PCDHA2: variants seen among roughly 807,000 people sequenced by gnomAD.
PCDHA2 encodes protocadherin alpha-2.
Under a neutral mutation model 66.0 loss-of-function variants are expected in PCDHA2, and 58 were observed. The observed-to-expected ratio is 0.88, with a 90% CI of 0.71 to 1.09. The LOEUF is 1.09. Ranked by LOEUF, PCDHA2 falls within the 50% of genes least tolerant of loss-of-function variation. The pLI, the probability that PCDHA2 is intolerant of heterozygous loss-of-function variation, is 0.00. For synonymous variants in PCDHA2, 634 were observed against 554.0 expected, an observed-to-expected ratio of 1.14 and a Z score of -2.03; for missense variants, 1,267 against 1,242.3, an observed-to-expected ratio of 1.02 and a Z score of -0.30.
chr5:140,800,969 C>A (rs1218404049), intron 1 of PCDHA2: 2 of 1,230,712 alleles, frequency 1.6e-6, no homozygotes, highest in Middle Eastern at 2.9e-4. Context: ...AAAGAAGATA[C>A]GTTTACATAT....
At position 140,868,819 on chromosome 5, in the gene PCDHA2, G is replaced by A. The variant is rs2050665181; in HGVS notation, c.2388+71467G>A. The A allele has an allele frequency of 7.5e-5, 29 of 388,032 alleles. No individual in the cohort carries two copies. In the East Asian group the frequency reaches 1.2e-3, roughly 16 times the overall value. The allele number at this position is 388,032 out of a possible 1,614,324, so 24.0% of individuals were successfully genotyped here. On this transcript the variant is annotated intron_variant, in intron 1 of 3. Transcript: ENST00000526136. ...ATAAATAAGCACGTTGGAAATATTT[G>A]GGGGAAGAAACCCAAAACACGTGAA...
intron 1 of PCDHA2, among the ~76,000 whole-genome samples, chr5:140,973,878 A>T (rs1440672302): frequency 6.6e-6 from 1 of 152,214 alleles, no homozygotes; most frequent in African/African-American, 2.4e-5. Context: ...GGTCAGAATA[A>T]TGTCAATTTG....
At chr5:140,875,240 C>A in intron 1 of PCDHA2, 1 of 923,800 alleles carries the variant, frequency 1.1e-6, no homozygotes. Context: ...CTTGTACTTA[C>A]ATAATCAGTC....
At chr5:140,856,540 C>A (rs1554148838) in intron 1 of PCDHA2, 1 of 1,598,162 alleles carries the variant, frequency 6.3e-7, no homozygotes, top group African/African-American at 1.3e-5. Context: ...TTGGAGAGAA[C>A]GCATTGCTTA....
chr5:140,819,038 T>C (rs1554127598), intron 1 of PCDHA2, among the ~76,000 whole-genome samples: 1 of 152,230 alleles, frequency 6.6e-6, no homozygotes, highest in Non-Finnish European at 1.5e-5. Context: ...CATTCCCTTA[T>C]AGGGCAGTTA....
At chr5:140,933,133 G>T (rs782720038) in intron 1 of PCDHA2, among the ~76,000 whole-genome samples, 1 of 151,914 alleles carries the variant, frequency 6.6e-6, no homozygotes, top group Non-Finnish European at 1.5e-5. Context: ...AATAATAAAG[G>T]TAGATAGCCA....
rs1554229126 is a variant in PCDHA2 at position 140,967,062 on chromosome 5, T to C, written c.2389-11887T>C. 3 of 1,612,916 alleles carry C rather than the reference T, an allele frequency of 1.9e-6. No individual in the cohort carries two copies. In the Admixed American group the frequency reaches 5.0e-5, roughly 27 times the overall value. ...GAGCTGGACCTGACGAGTGGAGCGC[T>C]CTTCGTCAACGAGCGCATTGATCGG... On this transcript the variant is annotated intron_variant, in intron 1 of 3. Transcript: ENST00000526136.
At chr5:140,941,987 G>A (rs1315027422) in intron 1 of PCDHA2, among the ~76,000 whole-genome samples, 1 of 152,104 alleles carries the variant, frequency 6.6e-6, no homozygotes, top group Non-Finnish European at 1.5e-5. Flanking sequence ...ACCTTGATAA[G>A]GGATTCATAT....
At chr5:140,869,161 C>T in intron 1 of PCDHA2, 1 of 1,613,852 alleles carries the variant, frequency 6.2e-7, no homozygotes, top group South Asian at 1.1e-5. Flanking sequence ...CTGGCTTCTC[C>T]TCCTCGAATT....
chr5:140,810,493 G>T (rs1554125501), intron 1 of PCDHA2: 1 of 152,090 alleles, frequency 6.6e-6, no homozygotes, highest in Admixed American at 6.5e-5. Flanking sequence ...CTCTACATTT[G>T]TCAGGTTATT....
intron 1 of PCDHA2, chr5:140,875,246 C>T: frequency 1.0e-6 from 1 of 955,372 alleles, no homozygotes; most frequent in Non-Finnish European, 1.5e-6. Context: ...CTTACATAAT[C>T]AGTCACATGA....
Position 140,941,209 on chromosome 5 carries a change from T to TCCTTTCTTTCTTTC in PCDHA2, c.2389-37740_2389-37739insCCTTTCTTTCTTTC, listed in dbSNP as rs59604197. 5.4e-4 allele frequency among the ~76,000 whole-genome samples: 69 copies of TCCTTTCTTTCTTTC among 126,992 alleles called. 1 individual carries two copies. Among genetic ancestry groups the TCCTTTCTTTCTTTC allele is most frequent in the African/African-American group, 2.2e-3 (68 of 31,202 alleles). The allele number at this position is 126,992 out of a possible 152,430, so 83.3% of individuals were successfully genotyped here. On this transcript the variant is annotated intron_variant, in intron 1 of 3. Coordinates refer to ENST00000526136, the MANE Select transcript of PCDHA2 (RefSeq NM_018905.3). ...TCTTTTTTTTTCTTTCTTCCTTTCT[T>TCCTTTCTTTCTTTC]TCTTCCTTTCTTTCTTTCTTTCTTT...
At chr5:140,874,970 G>A (rs186825854) in intron 1 of PCDHA2, among the ~76,000 whole-genome samples, 1 of 152,280 alleles carries the variant, frequency 6.6e-6, no homozygotes, top group Admixed American at 6.5e-5. Flanking sequence ...AAGGGGAGGG[G>A]TGCTGTATAT....
intron 2 of PCDHA2, among the ~76,000 whole-genome samples, chr5:140,979,906 C>T (rs190577549): frequency 1.8e-4 from 27 of 152,204 alleles, no homozygotes; most frequent in African/African-American, 5.5e-4. Context: ...TAGATCAGTT[C>T]GTAAAGAGAA....
In PCDHA2 at chr5:140,836,004, G is replaced by T. The variant is rs1554135533; in HGVS notation, c.2388+38652G>T. On this transcript the variant is annotated intron_variant, in intron 1 of 3. Transcript: ENST00000526136. ...GTTCCAGGTGAGCGCGCGCGATGCG[G>T]GCGTGCCGCCTCTGGGCAGCAACGT... is the stretch of plus-strand genomic sequence containing the variant. 1.9e-6 allele frequency: 3 copies of T among 1,613,274 alleles called. No homozygotes were observed. The African/African-American group carries it at 4.0e-5, about 22-fold the overall frequency.
intron 1 of PCDHA2, among the ~76,000 whole-genome samples, chr5:140,911,460 G>A (rs1346001317): frequency 1.3e-5 from 2 of 152,140 alleles, no homozygotes; most frequent in African/African-American, 4.8e-5. Context: ...TTTCTCTACA[G>A]GAGATAAGAC....
intron 1 of PCDHA2, chr5:140,814,724 T>C (rs1224859908): frequency 6.6e-6 from 1 of 152,222 alleles, no homozygotes; most frequent in Non-Finnish European, 1.5e-5. Flanking sequence ...TAGGAATTTT[T>C]CAGCTCCATT....
intron 2 of PCDHA2, among the ~76,000 whole-genome samples, chr5:140,981,165 T>C (rs1411910974): frequency 6.6e-6 from 1 of 152,250 alleles, no homozygotes; most frequent in Non-Finnish European, 1.5e-5. Flanking sequence ...ATATGTTGCC[T>C]TCCCTCTAAT....
chr5:140,882,705 G>T, intron 1 of PCDHA2: 1 of 1,614,172 alleles, frequency 6.2e-7, no homozygotes, highest in South Asian at 1.1e-5. Flanking sequence ...GCAGAATCTA[G>T]ACCTCCGGAA....
Sources: allele counts gnomAD v4.1 joint callset (sites outside exome capture counted in the v4.1 genomes callset), GRCh38; gene constraint gnomAD v4.1.1; transcripts MANE v1.5; gene names NCBI Gene and HGNC (gene_info 2026-07-23, HGNC 2026-07-21).